STIL: variants seen among roughly 807,000 people sequenced by gnomAD.
STIL encodes the protein STIL centriolar assembly protein.
A neutral mutation model predicts 110.1 loss-of-function variants in STIL; 55 were observed. That is an observed-to-expected ratio of 0.50 (90% CI 0.40 to 0.63). The LOEUF is 0.63. Among genes scored for constraint, STIL ranks in the 20% least tolerant of loss-of-function variants. The probability of loss-of-function intolerance (pLI) is 0.00; values close to 1 mark genes in which losing one functional copy is unlikely to be tolerated. For synonymous variants in STIL, 481 were observed against 530.0 expected (o/e 0.91, Z 1.27); for missense variants, 1,358 against 1,530.0 (o/e 0.89, Z 1.87).
chr1:47,301,014 A>T (rs1042826210), intron 5 of STIL, among the ~76,000 whole-genome samples: 2 of 152,154 alleles, frequency 1.3e-5, no homozygotes, highest in African/African-American at 4.8e-5. Flanking sequence ...TTCTGATTTG[A>T]CAGTGTTTTC....
intron 14 of STIL, among the ~76,000 whole-genome samples, chr1:47,267,263 CTA>C (rs1419334160): frequency 1.3e-5 from 2 of 152,194 alleles, no homozygotes; most frequent in Non-Finnish European, 2.9e-5. Flanking sequence ...CTATCTGAAA[CTA>C]TGTTATTTGC....
At chr1:47,279,273 A>G (rs1645080431) in intron 12 of STIL, among the ~76,000 whole-genome samples, 1 of 126,118 alleles carries the variant, frequency 7.9e-6, no homozygotes, top group Non-Finnish European at 1.7e-5. Flanking sequence ...ACAGAGAAAT[A>G]CTCCGTCTCA....
chr1:47,299,921 C>A lies in STIL; in HGVS notation c.685G>T (p.Gly229Trp). Residue 229 changes from glycine to tryptophan, a missense_variant, in exon 6 of 17, where the codon GGG becomes TGG. Coordinates refer to ENST00000371877, the MANE Select transcript of STIL (RefSeq NM_001048166.1). ...SSNLNISQVQGTYKYGYLTMD... is the reference protein window; with the variant it reads ...SSNLNISQVQWTYKYGYLTMD... ...TTTACTTACCCATATTTATAAGTCC[C>A]TTGAACTTGAGAAATATTCAGATTA... 1 of 1,613,938 alleles carries A rather than the reference C, an allele frequency of 6.2e-7. No individual in the cohort carries two copies. The highest frequency in any genetic ancestry group is 8.5e-7 in the Non-Finnish European group (1 of 1,179,900).
chr1:47,268,794 A>G (rs1442629649), intron 14 of STIL, among the ~76,000 whole-genome samples: 1 of 151,184 alleles, frequency 6.6e-6, no homozygotes. Flanking sequence ...TAAATAAATT[A>G]AATAAAAGAA....
intron 1 of STIL, among the ~76,000 whole-genome samples, chr1:47,312,385 G>A (rs973542685): frequency 9.9e-5 from 15 of 152,032 alleles, no homozygotes; most frequent in African/African-American, 2.2e-4. Flanking sequence ...CCCGGGAGGC[G>A]GAGCTTGCAG....
At chr1:47,287,785 C>A in intron 9 of STIL, 125 bp from the exon 10 acceptor site, 1 of 764,034 alleles carries the variant, frequency 1.3e-6, no homozygotes, top group Non-Finnish European at 2.2e-6. Flanking sequence ...TTCTGTAACC[C>A]TCTTTTGTAA....
intron 12 of STIL, among the ~76,000 whole-genome samples, chr1:47,278,641 G>T (rs1199184967): frequency 6.6e-6 from 1 of 151,802 alleles, no homozygotes; most frequent in East Asian, 1.9e-4. Context: ...TCAAATTTTT[G>T]CTAAGTGTTT....
chr1:47,309,060 A>G (rs1371190841), intron 2 of STIL, among the ~76,000 whole-genome samples: 1 of 151,974 alleles, frequency 6.6e-6, no homozygotes, highest in Non-Finnish European at 1.5e-5. Context: ...TCCAAAAAAA[A>G]AAAAAAATAA....
At chr1:47,279,026 G>A (rs1235187373) in intron 12 of STIL, among the ~76,000 whole-genome samples, 1 of 151,976 alleles carries the variant, frequency 6.6e-6, no homozygotes, top group African/African-American at 2.4e-5. Context: ...GGCCGGGCGC[G>A]GAGGCTCACG....
chr1:47,302,128 G>T, intron 4 of STIL, 106 bp downstream of exon 4: 1 of 804,228 alleles, frequency 1.2e-6, no homozygotes, highest in Non-Finnish European at 2.2e-6. Flanking sequence ...ACTATGTTAT[G>T]CAAGCTGGTC....
chr1:47,309,557 A>G (rs540127101), intron 2 of STIL, among the ~76,000 whole-genome samples: 2 of 152,224 alleles, frequency 1.3e-5, no homozygotes, highest in Admixed American at 6.5e-5. Flanking sequence ...TGGCACAAAG[A>G]AAGACATTAC....
intron 6 of STIL, among the ~76,000 whole-genome samples, chr1:47,299,033 C>T (rs1645723810): frequency 1.4e-5 from 2 of 142,212 alleles, no homozygotes; most frequent in East Asian, 2.1e-4. Context: ...TTTACCACCA[C>T]TTTTTTTTTT....
At chr1:47,282,322 A>G in intron 11 of STIL, 23 bp downstream of exon 11, 1 of 1,486,338 alleles carries the variant, frequency 6.7e-7, no homozygotes, top group Middle Eastern at 1.7e-4. Context: ...ACAAAAGTGA[A>G]TGCATTTTAA....
intron 10 of STIL, among the ~76,000 whole-genome samples, chr1:47,285,019 TC>T (rs1645255379): frequency 9.0e-6 from 1 of 111,496 alleles, no homozygotes; most frequent in Non-Finnish European, 1.7e-5. Flanking sequence ...ACATTTTTTG[TC>T]TTTTTTTTTT....
intron 8 of STIL, among the ~76,000 whole-genome samples, chr1:47,292,160 A>G (rs1645511173): frequency 6.6e-6 from 1 of 151,900 alleles, no homozygotes; most frequent in African/African-American, 2.4e-5. Context: ...ATAAGACACC[A>G]TGCCTGGTCT....
At position 47,281,044 on chromosome 1, in the gene STIL, C is replaced by T. The variant is rs779291706; in HGVS notation, c.1414G>A (p.Glu472Lys). The change falls in exon 12 of 17, where the codon GAG (glutamate) becomes AAG (lysine). Residue 472 changes from glutamate (E) to lysine (K), a missense_variant. Physicochemically the swap from Glu to Lys is moderately conservative, Grantham distance 56 (BLOSUM62 1). Coordinates refer to ENST00000371877, the MANE Select transcript of STIL (RefSeq NM_001048166.1). ...GCTTCAACTTCTGGACTGTGTTTCTCATCATAAAGCTGGGGTTGCAATGGC... is the reference window on the plus strand; with the variant it reads ...GCTTCAACTTCTGGACTGTGTTTCTTATCATAAAGCTGGGGTTGCAATGGC... ...LKPLQPQLYD[E>K]KHSPEVEAGE... The T allele has an allele frequency of 3.7e-6, 6 of 1,614,082 alleles. No homozygotes were observed. In the South Asian group the frequency reaches 5.5e-5, roughly 15 times the overall value.
intron 16 of STIL, among the ~76,000 whole-genome samples, chr1:47,256,713 G>A (rs1644340228): frequency 6.6e-6 from 1 of 150,508 alleles, no homozygotes; most frequent in African/African-American, 2.5e-5. Context: ...ACAAAACATC[G>A]GCCAGGCACG....
At chr1:47,312,138 A>C (rs1179814327) in intron 1 of STIL, among the ~76,000 whole-genome samples, 1 of 152,218 alleles carries the variant, frequency 6.6e-6, no homozygotes, top group African/African-American at 2.4e-5. Context: ...TCAGAGGCTG[A>C]AAATCCTATT....
intron 13 of STIL, among the ~76,000 whole-genome samples, chr1:47,270,853 A>AT (rs1020568629): frequency 6.0e-5 from 9 of 150,964 alleles, no homozygotes; most frequent in African/African-American, 1.5e-4. Flanking sequence ...TAATTTTTGT[A>AT]TTTTTTTTAA....
Sources: gnomAD v4.1 joint callset for allele counts (sites outside exome capture counted in the v4.1 genomes callset) on GRCh38, gnomAD v4.1.1 for gene constraint, MANE v1.5 for transcripts, NCBI Gene and HGNC (gene_info 2026-07-23, HGNC 2026-07-21) for gene names.